RBFOX1: variants seen among roughly 807,000 people sequenced by gnomAD.
RBFOX1 encodes the protein RNA binding protein fox-1 homolog 1.
RBFOX1 carries 8 observed loss-of-function variants against 57.7 expected under a neutral mutation model. The ratio of observed to expected loss-of-function variants is 0.14; its 90% confidence interval spans 0.08 to 0.25. The LOEUF (loss-of-function observed/expected upper bound fraction) is 0.25, where lower values mean the gene tolerates loss of function less well. RBFOX1 is among the 10% of genes least tolerant of loss of function. The probability of loss-of-function intolerance (pLI) is 1.00; values close to 1 mark genes in which losing one functional copy is unlikely to be tolerated. For synonymous variants in RBFOX1, 326 were observed against 222.4 expected (o/e 1.47, Z -4.15); for missense variants, 611 against 548.5 (o/e 1.11, Z -1.14).
At chr16:7,520,090 T>G (rs1407656564) in intron 5 of RBFOX1, among the ~76,000 whole-genome samples, 1 of 152,120 alleles carries the variant, frequency 6.6e-6, no homozygotes, top group Admixed American at 6.5e-5. Flanking sequence ...TTTCACTGTG[T>G]TATCCAGGAT....
chr16:6,434,513 G>A lies in RBFOX1; in HGVS notation c.-64+117456G>A, dbSNP rs578010109. ...TGTGAACTGTGTATTCATTTAACTCGATTAGCTCATGTATGTAATGCACGT... is the reference window on the plus strand; with the variant it reads ...TGTGAACTGTGTATTCATTTAACTCAATTAGCTCATGTATGTAATGCACGT... On this transcript the variant is annotated intron_variant, in intron 2 of 15. Coordinates refer to ENST00000550418, the MANE Select transcript of RBFOX1 (RefSeq NM_018723.4). Among the ~76,000 whole-genome samples the A allele has an allele frequency of 2.1e-3, 318 of 152,234 alleles. 2 individuals carry two copies. Among genetic ancestry groups the A allele is most frequent in the Admixed American group, 0.012 (183 of 15,292 alleles).
At chr16:6,692,970 G>A (rs878886676) in intron 3 of RBFOX1, among the ~76,000 whole-genome samples, 8 of 139,148 alleles carry the variant, frequency 5.7e-5, no homozygotes, top group South Asian at 2.4e-4. Flanking sequence ...TACCATCACC[G>A]GCATCATTAT....
At chr16:7,481,963 G>A (rs1432551070) in intron 4 of RBFOX1, among the ~76,000 whole-genome samples, 2 of 152,166 alleles carry the variant, frequency 1.3e-5, no homozygotes. Flanking sequence ...GTTATTATGA[G>A]AACGCGAGAT....
chr16:7,034,848 C>CTTTTTTTTTTTTT lies in RBFOX1; in HGVS notation c.-15-17203_-15-17191dup, dbSNP rs58405378. Among the ~76,000 whole-genome samples, 36 of 30,822 alleles carry CTTTTTTTTTTTTT rather than the reference C, an allele frequency of 1.2e-3. 1 individual carries two copies. Among genetic ancestry groups the CTTTTTTTTTTTTT allele is most frequent in the East Asian group, 5.6e-3 (3 of 532 alleles). 20.2% of individuals were successfully genotyped at this position (30,822 alleles called of 152,430 possible). On this transcript the variant is annotated intron_variant, in intron 3 of 15. Coordinates refer to ENST00000550418, the MANE Select transcript of RBFOX1 (RefSeq NM_018723.4). The stretch of plus-strand genomic sequence containing the variant: ...ATTACTTTTTTTTTTTTTCTTTTTT[C>CTTTTTTTTTTTTT]TTTTTTTTTTTTTTTTTTGAGATGG...
intron 1 of RBFOX1, among the ~76,000 whole-genome samples, chr16:6,089,074 A>ATAT (rs1555503306): frequency 2.1e-5 from 3 of 144,458 alleles, no homozygotes; most frequent in African/African-American, 8.1e-5. Flanking sequence ...TCAAAAAAAA[A>ATAT]AAAAATATAT....
chr16:7,692,816 T>C (rs971023307), intron 14 of RBFOX1, among the ~76,000 whole-genome samples: 11 of 152,274 alleles, frequency 7.2e-5, no homozygotes, highest in Admixed American at 2.0e-4. Context: ...GCAAGCTGGG[T>C]TTGATGAGGA....
intron 3 of RBFOX1, among the ~76,000 whole-genome samples, chr16:6,975,118 G>A (rs2153576889): frequency 6.6e-6 from 1 of 152,268 alleles, no homozygotes; most frequent in Non-Finnish European, 1.5e-5. Flanking sequence ...TCAGAGAGCA[G>A]AGGAAGGTGT....
chr16:5,456,678 T>G (rs1397185499), intron 1 of RBFOX1, among the ~76,000 whole-genome samples: 1 of 152,234 alleles, frequency 6.6e-6, no homozygotes, highest in African/African-American at 2.4e-5. Flanking sequence ...TCTTCCCATT[T>G]CCTTGGATAC....
At chr16:5,256,647 C>G (rs2062596962) in intron 1 of RBFOX1, among the ~76,000 whole-genome samples, 1 of 152,118 alleles carries the variant, frequency 6.6e-6, no homozygotes, top group Non-Finnish European at 1.5e-5. Flanking sequence ...AAAAAAATAG[C>G]TAAGTGGCTG....
chr16:7,119,760 A>AT (rs546370949), intron 4 of RBFOX1, among the ~76,000 whole-genome samples: 166 of 152,228 alleles, frequency 1.1e-3, no homozygotes, highest in African/African-American at 3.9e-3. Flanking sequence ...GTCTACAAAC[A>AT]TAAGTGAAGT....
intron 13 of RBFOX1, among the ~76,000 whole-genome samples, chr16:7,669,820 A>T (rs1290611064): frequency 6.6e-6 from 1 of 152,204 alleles, no homozygotes; most frequent in East Asian, 1.9e-4. Context: ...TCTTCCTGAG[A>T]CCTTGCTTTC....
intron 4 of RBFOX1, among the ~76,000 whole-genome samples, chr16:7,492,973 G>A (rs2067414973): frequency 6.6e-6 from 1 of 152,158 alleles, no homozygotes; most frequent in Non-Finnish European, 1.5e-5. Flanking sequence ...CCGCCTCCCA[G>A]GTTCAAGCGA....
At chr16:7,629,042 G>A (rs1490540953) in intron 10 of RBFOX1, among the ~76,000 whole-genome samples, 1 of 152,212 alleles carries the variant, frequency 6.6e-6, no homozygotes, top group Non-Finnish European at 1.5e-5. Context: ...TAATTTCACT[G>A]TTGTGTGAAG....
chr16:5,726,190 G>A (rs2052145899), intron 3 of RBFOX1, among the ~76,000 whole-genome samples: 1 of 151,578 alleles, frequency 6.6e-6, no homozygotes, highest in East Asian at 1.9e-4. Flanking sequence ...AGGCCTTTGC[G>A]AATCAATCAG....
chr16:7,224,238 A>G (rs1042113983), intron 4 of RBFOX1, among the ~76,000 whole-genome samples: 2 of 150,918 alleles, frequency 1.3e-5, no homozygotes, highest in Non-Finnish European at 2.9e-5. Context: ...TTCCAGTTAT[A>G]AAATGGCTTC....
At chr16:6,895,901 A>C (rs1015995115) in intron 3 of RBFOX1, among the ~76,000 whole-genome samples, 1 of 152,090 alleles carries the variant, frequency 6.6e-6, no homozygotes, top group Middle Eastern at 3.4e-3. Flanking sequence ...ATCTTTTTGT[A>C]AAATGTTTTT....
At chr16:6,141,872 A>G (rs1000397121) in intron 1 of RBFOX1, among the ~76,000 whole-genome samples, 1 of 151,946 alleles carries the variant, frequency 6.6e-6, no homozygotes, top group African/African-American at 2.4e-5. Flanking sequence ...CAACCTGACC[A>G]ACATGGTGAA....
intron 3 of RBFOX1, among the ~76,000 whole-genome samples, chr16:5,711,455 C>T (rs1379893835): frequency 1.3e-5 from 2 of 152,202 alleles, no homozygotes; most frequent in South Asian, 4.1e-4. Flanking sequence ...AGAACTTTTT[C>T]TCTGTCTGGG....
intron 4 of RBFOX1, among the ~76,000 whole-genome samples, chr16:5,911,640 A>G (rs899598365): frequency 1.3e-5 from 2 of 152,196 alleles, no homozygotes; most frequent in African/African-American, 2.4e-5. Context: ...ACAAAATACC[A>G]TGAACAGGGC....
Sources: allele counts gnomAD v4.1 joint callset (sites outside exome capture counted in the v4.1 genomes callset), GRCh38; gene constraint gnomAD v4.1.1; transcripts MANE v1.5; gene names NCBI Gene and HGNC (gene_info 2026-07-23, HGNC 2026-07-21).